The following CAMTA1 variants were observed in gnomAD, a reference collection of about 807,000 sequenced individuals.
CAMTA1 encodes the protein calmodulin binding transcription activator 1.
A neutral mutation model predicts 170.9 loss-of-function variants in CAMTA1; 27 were observed. The observed-to-expected ratio is 0.16, with a 90% CI of 0.12 to 0.22. The LOEUF (loss-of-function observed/expected upper bound fraction) is 0.22, where lower values mean the gene tolerates loss of function less well. CAMTA1 is among the 10% of genes least tolerant of loss of function. CAMTA1 has a pLI of 1.00. For synonymous variants in CAMTA1, 833 were observed against 891.5 expected, an observed-to-expected ratio of 0.93 and a Z score of 1.17; for missense variants, 1,619 against 2,217.2, an observed-to-expected ratio of 0.73 and a Z score of 5.42.
chr1:7,691,354 G>A (rs1321079508), intron 11 of CAMTA1, among the ~76,000 whole-genome samples: 1 of 152,176 alleles, frequency 6.6e-6, no homozygotes, highest in Non-Finnish European at 1.5e-5. Flanking sequence ...GGCTGTGTGT[G>A]CCAGGCTTTA....
At chr1:7,091,410 A>T in intron 4 of CAMTA1, 39 bp downstream of exon 4, 2 of 1,464,330 alleles carry the variant, frequency 1.4e-6, no homozygotes, top group Non-Finnish European at 1.9e-6. Context: ...AATGTGTACC[A>T]TAAGTGGATT....
At chr1:7,285,781 A>T (rs1672261530) in intron 5 of CAMTA1, among the ~76,000 whole-genome samples, 1 of 152,164 alleles carries the variant, frequency 6.6e-6, no homozygotes, top group South Asian at 2.1e-4. Context: ...CCCTGAGCCC[A>T]TAACGACACC....
intron 3 of CAMTA1, among the ~76,000 whole-genome samples, chr1:7,001,780 A>G (rs192343850): frequency 2.6e-4 from 39 of 152,330 alleles, no homozygotes; most frequent in Non-Finnish European, 5.9e-5. Context: ...GCAGAGAGGA[A>G]CGGCTGTGCC....
intron 11 of CAMTA1, among the ~76,000 whole-genome samples, chr1:7,718,097 A>G (rs898734766): frequency 6.6e-6 from 1 of 152,012 alleles, no homozygotes; most frequent in Non-Finnish European, 1.5e-5. Context: ...AAAGGCTCAT[A>G]TCGTGTTGGG....
At chr1:6,838,090 C>T (rs1204317951) in intron 3 of CAMTA1, among the ~76,000 whole-genome samples, 9 of 152,032 alleles carry the variant, frequency 5.9e-5, no homozygotes, top group Admixed American at 5.9e-4. Flanking sequence ...CTGGAGTGTC[C>T]AGGGACTGTT....
intron 3 of CAMTA1, among the ~76,000 whole-genome samples, chr1:7,018,157 C>T (rs540820157): frequency 1.1e-5 from 1 of 88,718 alleles, no homozygotes; most frequent in South Asian, 3.0e-4. Context: ...CAGATGGTCT[C>T]AGGAGTCTCC....
intron 6 of CAMTA1, among the ~76,000 whole-genome samples, chr1:7,478,366 C>G (rs1029726829): frequency 1.3e-5 from 2 of 152,146 alleles, no homozygotes; most frequent in African/African-American, 4.8e-5. Flanking sequence ...CCTTCTGGCA[C>G]TTGTCTCCTG....
chr1:7,335,175 A>C, intron 5 of CAMTA1, among the ~76,000 whole-genome samples: 1 of 41,764 alleles, frequency 2.4e-5, no homozygotes, highest in Non-Finnish European at 4.0e-5. Context: ...GGGGGGTGTC[A>C]GACCCCGAGG....
chr1:7,298,050 C>G (rs751905837), intron 5 of CAMTA1, among the ~76,000 whole-genome samples: 8 of 152,294 alleles, frequency 5.3e-5, no homozygotes, highest in Non-Finnish European at 1.2e-4. Context: ...AAAATTGAGT[C>G]AAACAATTTA....
chr1:7,381,130 ATTTTTCT>A (rs1319576191), intron 5 of CAMTA1, among the ~76,000 whole-genome samples: 1 of 151,472 alleles, frequency 6.6e-6, no homozygotes, highest in Non-Finnish European at 1.5e-5. Flanking sequence ...AGACGGTTTG[ATTTTTCT>A]TTTTTTTATT....
chr1:6,956,040 C>T (rs1689398773), intron 3 of CAMTA1, among the ~76,000 whole-genome samples: 1 of 152,178 alleles, frequency 6.6e-6, no homozygotes, highest in Non-Finnish European at 1.5e-5. Context: ...TGCAGCAGAG[C>T]CTCAGATACG....
At chr1:7,246,424 G>A (rs1294083371) in intron 4 of CAMTA1, among the ~76,000 whole-genome samples, 1 of 152,180 alleles carries the variant, frequency 6.6e-6, no homozygotes, top group Non-Finnish European at 1.5e-5. Context: ...GAAGTGGGTG[G>A]CATTATTAAG....
rs1312356693 is a variant in CAMTA1, at chr1:7,092,966, T to A, written c.302+1595T>A. 6.6e-6 allele frequency among the ~76,000 whole-genome samples: 1 copy of A among 152,166 alleles called. No individual in the cohort carries two copies. On this transcript the variant is annotated intron_variant, in intron 4 of 22. Transcript: ENST00000303635. The surrounding 1 kb of genome is among the most constrained non-coding windows in gnomAD (Gnocchi z 5.0). ...TGATGAATCCACTGGCCAAAGCAAG[T>A]CCCCTGGCCAAGCCCAGTAAGAATG...
rs1557925492 is a variant in CAMTA1, at chr1:7,565,129, C to T, written c.511-75271C>T. Among the ~76,000 whole-genome samples the T allele has an allele frequency of 1.3e-5, 2 of 151,944 alleles. No homozygotes were observed. Among genetic ancestry groups the T allele is most frequent in the Non-Finnish European group, 2.9e-5 (2 of 67,972 alleles). ...CCCTGGGGAGACTCCTGCCAGTCAC[C>T]TGTGCTACCTGGATATACCCCTCAC... On this transcript the variant is annotated intron_variant, in intron 6 of 22. Transcript: ENST00000303635. The surrounding 1 kb of genome is among the most constrained non-coding windows in gnomAD (Gnocchi z 4.5).
At position 7,144,941 on chromosome 1, in the gene CAMTA1, A is replaced by G. The variant is rs760794756; in HGVS notation, c.302+53570A>G. Among the ~76,000 whole-genome samples the G allele has an allele frequency of 2.0e-5, 3 of 152,376 alleles. No homozygotes were observed. Among genetic ancestry groups the G allele is most frequent in the African/African-American group, 2.4e-5 (1 of 41,594 alleles). On this transcript the variant is annotated intron_variant, in intron 4 of 22. Coordinates refer to ENST00000303635, the MANE Select transcript of CAMTA1 (RefSeq NM_015215.4). This position sits in a 1 kb window ranked among gnomAD's most constrained non-coding sequence, Gnocchi z 4.0. ...TTCCCATGTTACAAATGCAGACAGG[A>G]AGGCCGAGTAACCTCTCAAGCTCTG... is the stretch of plus-strand genomic sequence containing the variant.
chr1:7,516,556 A>G (rs773211887), intron 6 of CAMTA1, among the ~76,000 whole-genome samples: 27 of 152,196 alleles, frequency 1.8e-4, no homozygotes, highest in Non-Finnish European at 4.4e-5. Flanking sequence ...AGGGTAGACC[A>G]GATGGCTCCT....
intron 1 of CAMTA1, among the ~76,000 whole-genome samples, chr1:6,811,003 G>C (rs1645102086): frequency 6.6e-6 from 1 of 152,192 alleles, no homozygotes; most frequent in Non-Finnish European, 1.5e-5. Flanking sequence ...TGAAAGTTGG[G>C]ATAGTCAGGT....
chr1:7,370,504 A>G (rs1231417319), intron 5 of CAMTA1, among the ~76,000 whole-genome samples: 2 of 152,180 alleles, frequency 1.3e-5, no homozygotes. Context: ...GAGTAAAATA[A>G]TCCATTACTG....
Position 7,665,889 on chromosome 1 carries a change from C to T in CAMTA1, c.2652+690C>T, listed in dbSNP as rs1396815058. ...AAAAAATTCAAAAGTCACCATTGGC[C>T]GGGCTCAGTGGCTCATGCCCATAAT... On this transcript the variant is annotated intron_variant, in intron 9 of 22. Transcript: ENST00000303635. The surrounding 1 kb of genome is among the most constrained non-coding windows in gnomAD (Gnocchi z 4.3). Among the ~76,000 whole-genome samples, 5 of 152,036 alleles carry T rather than the reference C, an allele frequency of 3.3e-5. No homozygotes were observed. Among genetic ancestry groups the T allele is most frequent in the Non-Finnish European group, 5.9e-5 (4 of 68,002 alleles).
Sources: allele counts gnomAD v4.1 joint callset (sites outside exome capture counted in the v4.1 genomes callset), GRCh38; gene constraint gnomAD v4.1.1; non-coding constraint Gnocchi (gnomAD v3.1); transcripts MANE v1.5; gene names NCBI Gene and HGNC (gene_info 2026-07-23, HGNC 2026-07-21).